The following EIF4E3 variants were observed in gnomAD, a reference collection of about 807,000 sequenced individuals.
EIF4E3 encodes eukaryotic translation initiation factor 4E family member 3.
A neutral mutation model predicts 31.7 loss-of-function variants in EIF4E3; 26 were observed. That is an observed-to-expected ratio of 0.82 (90% CI 0.60 to 1.14). EIF4E3 has a LOEUF of 1.14. EIF4E3 is among the 50% of genes most tolerant of loss of function. The probability of loss-of-function intolerance (pLI) is 0.00; values close to 1 mark genes in which losing one functional copy is unlikely to be tolerated. For synonymous variants in EIF4E3, 128 were observed against 107.7 expected (o/e 1.19, Z -1.17); for missense variants, 304 against 270.9 (o/e 1.12, Z -0.86).
At chr3:71,722,045 G>A (rs997556887) in intron 1 of EIF4E3, among the ~76,000 whole-genome samples, 21 of 109,950 alleles carry the variant, frequency 1.9e-4, no homozygotes, top group African/African-American at 7.4e-4. Context: ...GGTGGGGCAG[G>A]AAGAGCTGCA....
At chr3:71,725,465 C>T, upstream of EIF4E3, 1 of 693,818 alleles carries the variant, frequency 1.4e-6, no homozygotes, top group Non-Finnish European at 1.8e-6. The surrounding 1 kb of genome is among the most constrained non-coding windows in gnomAD (Gnocchi z 6.1). Context: ...CCCGCGCGCC[C>T]CGCCCCGCCC....
intron 1 of EIF4E3, among the ~76,000 whole-genome samples, chr3:71,747,532 C>A (rs549207097): frequency 2.2e-4 from 33 of 152,198 alleles, no homozygotes; most frequent in Non-Finnish European, 3.5e-4. Context: ...CCATCAGACA[C>A]ATTATCTGAA....
chr3:71,749,363 C>T (rs1193014956), intron 1 of EIF4E3, among the ~76,000 whole-genome samples: 1 of 152,232 alleles, frequency 6.6e-6, no homozygotes, highest in Non-Finnish European at 1.5e-5. Context: ...GTTATGACTT[C>T]GTCCCATGGG....
At chr3:71,732,404 T>TA (rs35306675) in intron 1 of EIF4E3, among the ~76,000 whole-genome samples, 27,423 of 148,312 alleles carry the variant, frequency 0.18, 2,488 homozygotes, top group East Asian at 0.32. Flanking sequence ...TTCCCTGATT[T>TA]AAAAAAAAAA....
intron 1 of EIF4E3, among the ~76,000 whole-genome samples, chr3:71,738,435 TG>T (rs2049785513): frequency 6.6e-6 from 1 of 151,900 alleles, no homozygotes; most frequent in South Asian, 2.1e-4. Flanking sequence ...AATACAACAA[TG>T]TGGGTAGGTT....
At chr3:71,674,090 CTTTTTTTTT>C (rs71277509), downstream of EIF4E3, among the ~76,000 whole-genome samples, 13 of 25,074 alleles carry the variant, frequency 5.2e-4, no homozygotes, top group Admixed American at 1.2e-3. Context: ...ATCAACTGTA[CTTTTTTTTT>C]TTTTTTTTTT....
chr3:71,712,852 CAAAAAAAAA>C (rs11403409), intron 1 of EIF4E3, among the ~76,000 whole-genome samples: 3 of 121,236 alleles, frequency 2.5e-5, no homozygotes, highest in East Asian at 5.1e-4. Flanking sequence ...TAACCTAGAC[CAAAAAAAAA>C]AAAAAAAAAA....
Position 71,725,272 on chromosome 3 carries a change from G to GAGCGGCGGCTCGGGGGCGGCGGC in EIF4E3, c.73_95dup (p.Gly33ProfsTer49). The GAGCGGCGGCTCGGGGGCGGCGGC allele has an allele frequency of 9.7e-7, 1 of 1,029,180 alleles. No individual in the cohort carries two copies. The highest frequency in any genetic ancestry group is 1.2e-6 in the Non-Finnish European group (1 of 860,782). 63.8% of individuals were successfully genotyped at this position (1,029,180 alleles called of 1,614,324 possible). A position where few individuals can be genotyped will look rare whatever the true frequency, so the allele number is the denominator to read the frequency against. ...GCAGCGCCGACAGCTGCTGCAGGCC[G>GAGCGGCGGCTCGGGGGCGGCGGC]AGCGGCGGCTCGGGGGCGGCGGCAG... On this transcript the variant is annotated frameshift_variant, in exon 1 of 7. Transcript: ENST00000425534. LOFTEE classifies it high-confidence loss of function. This position sits in a 1 kb window ranked among gnomAD's most constrained non-coding sequence, Gnocchi z 6.1.
chr3:71,709,904 A>G (rs1318899630), intron 2 of EIF4E3, among the ~76,000 whole-genome samples: 2 of 152,080 alleles, frequency 1.3e-5, no homozygotes, highest in Non-Finnish European at 2.9e-5. Flanking sequence ...ATCCATGCCT[A>G]ATTTAGGATG....
the EIF4E3 span, among the ~76,000 whole-genome samples, chr3:71,661,132 ACTTTGTTCTTCTAGATGGCATTTTTC>A: frequency 5.5e-3 from 831 of 151,822 alleles, 10 homozygotes; most frequent in African/African-American, 0.019. Flanking sequence ...TTGTTATTTT[ACTTTGTTCTTCTAGATGGCATTTTTC>A]CTTCAAGCAA....
At chr3:71,724,898 C>T (rs919735039) in intron 1 of EIF4E3, among the ~76,000 whole-genome samples, 4 of 152,178 alleles carry the variant, frequency 2.6e-5, no homozygotes, top group African/African-American at 7.2e-5. Flanking sequence ...CCTGCCAGCA[C>T]GCCGCGTTCC....
chr3:71,743,630 T>A (rs1161545924), intron 1 of EIF4E3, among the ~76,000 whole-genome samples: 2 of 152,090 alleles, frequency 1.3e-5, no homozygotes, highest in African/African-American at 2.4e-5. Context: ...AAAACACATA[T>A]GTCAATGCTA....
chr3:71,709,066 C>A (rs2049337000), intron 2 of EIF4E3, among the ~76,000 whole-genome samples: 1 of 152,062 alleles, frequency 6.6e-6, no homozygotes, highest in Non-Finnish European at 1.5e-5. Context: ...ATTTTTTGAA[C>A]CAGATACTGG....
chr3:71,666,806 G>A, the EIF4E3 span, among the ~76,000 whole-genome samples: 2 of 152,176 alleles, frequency 1.3e-5, no homozygotes, highest in Admixed American at 6.5e-5. Flanking sequence ...GGGCATGGTG[G>A]CGCACACCTG....
chr3:71,754,082 CG>C, upstream of EIF4E3: 1 of 1,324,788 alleles, frequency 7.5e-7, no homozygotes, highest in Non-Finnish European at 9.7e-7. This position sits in a 1 kb window ranked among gnomAD's most constrained non-coding sequence, Gnocchi z 5.8. Context: ...GTGGCAGCGG[CG>C]GCGGCGAGGC....
chr3:71,747,556 A>G (rs1192544774), intron 1 of EIF4E3, among the ~76,000 whole-genome samples: 2 of 152,168 alleles, frequency 1.3e-5, no homozygotes, highest in African/African-American at 4.8e-5. Flanking sequence ...ATTTTCTCCC[A>G]TTCTGTAGGC....
In EIF4E3 at chr3:71,725,309, C is replaced by A; in HGVS notation, c.59G>T (p.Arg20Leu). The change falls in exon 1 of 7, where the codon CGC becomes CTC. Residue 20 changes from arginine to leucine, a missense_variant. Coordinates refer to ENST00000425534, the MANE Select transcript of EIF4E3 (RefSeq NM_001134651.2). This position sits in a 1 kb window ranked among gnomAD's most constrained non-coding sequence, Gnocchi z 6.1. Reference protein sequence around the residue: ...PAGAREPPGSRAAAAAAAPEP... With the variant: ...PAGAREPPGSLAAAAAAAPEP... ...GGGGGCGGCGGCAGCGGCGGCGGCGCGGGACCCCGGCGGCTCCCGGGCCCC... is the reference window on the plus strand; with the variant it reads ...GGGGGCGGCGGCAGCGGCGGCGGCGAGGGACCCCGGCGGCTCCCGGGCCCC... The A allele has an allele frequency of 1.0e-6, 1 of 983,168 alleles. No individual in the cohort carries two copies. Among genetic ancestry groups the A allele is most frequent in the Non-Finnish European group, 1.2e-6 (1 of 827,976 alleles). 60.9% of individuals were successfully genotyped at this position (983,168 alleles called of 1,614,324 possible).
intron 1 of EIF4E3, among the ~76,000 whole-genome samples, chr3:71,724,150 A>G (rs1203649050): frequency 6.6e-6 from 1 of 152,146 alleles, no homozygotes; most frequent in Non-Finnish European, 1.5e-5. Context: ...AAAATTTCCA[A>G]ATGCTCTTGG....
At chr3:71,669,180 A>C in the EIF4E3 span, among the ~76,000 whole-genome samples, 28 of 137,616 alleles carry the variant, frequency 2.0e-4, 1 homozygote, top group African/African-American at 7.7e-4. Context: ...CTCACTTATA[A>C]GTGGGAGTTG....
Sources: allele counts gnomAD v4.1 joint callset (sites outside exome capture counted in the v4.1 genomes callset), GRCh38; gene constraint gnomAD v4.1.1; non-coding constraint Gnocchi (gnomAD v3.1); transcripts MANE v1.5; gene names NCBI Gene and HGNC (gene_info 2026-07-23, HGNC 2026-07-21).